The following GYG2 variants were observed in gnomAD, a reference collection of about 807,000 sequenced individuals.
The protein encoded by GYG2 is glycogenin-2.
A neutral mutation model predicts 29.4 loss-of-function variants in GYG2; 29 were observed. That is an observed-to-expected ratio of 0.99 (90% CI 0.74 to 1.35). The LOEUF is 1.35. Ranked by LOEUF, GYG2 falls within the 40% of genes most tolerant of loss-of-function variation. The probability of loss-of-function intolerance (pLI) is 0.00; values close to 1 mark genes in which losing one functional copy is unlikely to be tolerated. For missense variants in GYG2, 370 were observed against 385.7 expected (o/e 0.96, Z 0.34); for synonymous variants, 167 against 172.3 (o/e 0.97, Z 0.24).
At chrX:2,866,091 A>G (rs930075604) in intron 8 of GYG2, among the ~76,000 whole-genome samples, 1 of 112,490 alleles carries the variant, frequency 8.9e-6, no homozygotes, top group Non-Finnish European at 1.9e-5. Context: ...TTGCAGCAAC[A>G]TGGATGGAAA....
At chrX:2,874,478 C>G (rs987292058) in intron 8 of GYG2, among the ~76,000 whole-genome samples, 2 of 112,518 alleles carry the variant, frequency 1.8e-5, no homozygotes, top group Non-Finnish European at 3.8e-5. Flanking sequence ...ATAACATTTT[C>G]TTTCCTAGAA....
intron 6 of GYG2, among the ~76,000 whole-genome samples, chrX:2,858,316 A>G (rs2088071682): frequency 9.0e-6 from 1 of 110,592 alleles, no homozygotes; most frequent in Non-Finnish European, 1.9e-5. Flanking sequence ...AAAACAAAAC[A>G]TTAGCCGAAT....
chrX:2,831,357 C>T (rs1391269785), intron 2 of GYG2, among the ~76,000 whole-genome samples: 2 of 112,237 alleles, frequency 1.8e-5, no homozygotes, highest in Admixed American at 1.9e-4. Flanking sequence ...CGAGCCACCA[C>T]GCCTGGCCAT....
In GYG2 at chrX:2,844,536, A is replaced by G. The variant is rs199627696; in HGVS notation, c.149+1182A>G. 7.9e-3 allele frequency among the ~76,000 whole-genome samples: 623 copies of G among 78,410 alleles called. 75 individuals are homozygous for G. Among genetic ancestry groups the G allele is most frequent in the African/African-American group, 0.029 (561 of 19,021 alleles). 68.1% of individuals were successfully genotyped at this position (78,410 alleles called of 115,157 possible). ...TGTATACGCACACGCATGCGTATAT[A>G]TGTGTATACGCACACGCATGCGTAT... is the stretch of plus-strand genomic sequence containing the variant. On this transcript the variant is annotated intron_variant, in intron 3 of 10. Coordinates refer to ENST00000398806, the MANE Select transcript of GYG2 (RefSeq NM_001079855.2).
At chrX:2,854,868 G>C (rs890443172) in intron 4 of GYG2, 125 bp from the exon 5 acceptor site, 27 of 717,867 alleles carry the variant, frequency 3.8e-5, no homozygotes, top group Non-Finnish European at 5.3e-5. Context: ...GGAGGCGGAG[G>C]CCGCAGTGAG....
At chrX:2,846,765 A>C (rs1414725941) in intron 3 of GYG2, among the ~76,000 whole-genome samples, 1 of 111,537 alleles carries the variant, frequency 9.0e-6, no homozygotes, top group Non-Finnish European at 1.9e-5. Flanking sequence ...AATAACAAAT[A>C]AAAATGAATC....
chrX:2,876,037 T>A, intron 9 of GYG2, 123 bp downstream of exon 9: 1 of 75,789 alleles, frequency 1.3e-5, no homozygotes. Context: ...TCCTCCCTTT[T>A]TTTTTTTTTT....
At chrX:2,833,099 A>G (rs1383458556) in intron 2 of GYG2, among the ~76,000 whole-genome samples, 1 of 111,400 alleles carries the variant, frequency 9.0e-6, no homozygotes, top group Non-Finnish European at 1.9e-5. Context: ...TAAACAACAC[A>G]CATTTACTCT....
chrX:2,875,002 C>G (rs1351542365), intron 8 of GYG2, among the ~76,000 whole-genome samples: 1 of 112,200 alleles, frequency 8.9e-6, no homozygotes, highest in East Asian at 2.8e-4. Context: ...TGCTTTGTGA[C>G]CTGACCTGAT....
At chrX:2,843,469 T>C (rs900632300) in intron 3 of GYG2, 115 bp downstream of exon 3, 7 of 557,560 alleles carry the variant, frequency 1.3e-5, no homozygotes, top group African/African-American at 2.3e-5. Flanking sequence ...TTCATAGGCC[T>C]GGATGGCCGG....
intron 6 of GYG2, among the ~76,000 whole-genome samples, chrX:2,857,495 G>A (rs1391098355): frequency 3.7e-5 from 4 of 108,733 alleles, no homozygotes; most frequent in African/African-American, 1.3e-4. Flanking sequence ...GATCTATCTA[G>A]ATATCTATGT....
intron 3 of GYG2, chrX:2,853,477 G>A (rs1206608948): frequency 9.0e-6 from 1 of 111,678 alleles, no homozygotes; most frequent in Non-Finnish European, 1.9e-5. Context: ...AAAGTGCTGG[G>A]ATTGCAGGCA....
intron 8 of GYG2, among the ~76,000 whole-genome samples, chrX:2,865,933 C>G (rs747942091): frequency 1.3e-4 from 14 of 111,599 alleles, no homozygotes; most frequent in Non-Finnish European, 2.3e-4. Flanking sequence ...ACATCTGCCC[C>G]CCGTCCATGT....
In GYG2 at chrX:2,854,984, C is replaced by A; in HGVS notation, c.325-9C>A. On this transcript the variant is annotated splice_polypyrimidine_tract_variant and intron_variant, in intron 4 of 10. Coordinates refer to ENST00000398806, the MANE Select transcript of GYG2 (RefSeq NM_001079855.2). Reference sequence around the variant, plus strand: ...ATTGCGGCGGGTTCTGCGTGTTTTGCTTCACCAGGTGCTGTCCAATGTCGA... The same window carrying A: ...ATTGCGGCGGGTTCTGCGTGTTTTGATTCACCAGGTGCTGTCCAATGTCGA... 6.6e-6 allele frequency: 8 copies of A among 1,205,036 alleles called. No homozygotes were observed. The highest frequency in any genetic ancestry group is 9.0e-6 in the Non-Finnish European group (8 of 891,855).
intron 8 of GYG2, among the ~76,000 whole-genome samples, 162 bp downstream of exon 8, chrX:2,861,884 T>G (rs993370854): frequency 9.0e-6 from 1 of 111,659 alleles, no homozygotes; most frequent in African/African-American, 3.3e-5. Flanking sequence ...ATTTTTGCAT[T>G]ACGGCACACC....
intron 4 of GYG2, among the ~76,000 whole-genome samples, chrX:2,854,632 T>A (rs2087938803): frequency 8.9e-6 from 1 of 111,949 alleles, no homozygotes; most frequent in Admixed American, 9.5e-5. Context: ...CAAAATAGAA[T>A]CATGAGGGAA....
chrX:2,857,275 C>G (rs1435247458), intron 6 of GYG2, among the ~76,000 whole-genome samples: 1 of 68,770 alleles, frequency 1.5e-5, no homozygotes, highest in Admixed American at 1.6e-4. Context: ...ATCTGGATAT[C>G]TATCTATAAA....
chrX:2,845,102 T>C (rs1488930487), intron 3 of GYG2, among the ~76,000 whole-genome samples: 1 of 81,056 alleles, frequency 1.2e-5, no homozygotes, highest in African/African-American at 4.6e-5. Flanking sequence ...TATATTTATA[T>C]ACACGTGTGT....
intron 8 of GYG2, among the ~76,000 whole-genome samples, chrX:2,870,841 G>A (rs1036382163): frequency 2.7e-5 from 3 of 111,690 alleles, no homozygotes; most frequent in Non-Finnish European, 3.8e-5. Flanking sequence ...TTTCAGGTGG[G>A]TTTGGTTTTG....
Sources: gnomAD v4.1 joint callset for allele counts (sites outside exome capture counted in the v4.1 genomes callset) on GRCh38, gnomAD v4.1.1 for gene constraint, MANE v1.5 for transcripts, NCBI Gene and HGNC (gene_info 2026-07-23, HGNC 2026-07-21) for gene names.